THOC5: variants seen among roughly 807,000 people sequenced by gnomAD.
THOC5 encodes the protein THO complex subunit 5.
Under a neutral mutation model 92.9 loss-of-function variants are expected in THOC5, and 43 were observed. The observed-to-expected ratio is 0.46, with a 90% CI of 0.36 to 0.60. The LOEUF is 0.60. Among genes scored for constraint, THOC5 ranks in the 20% least tolerant of loss-of-function variants. The pLI, the probability that THOC5 is intolerant of heterozygous loss-of-function variation, is 0.00. For missense variants in THOC5, 659 were observed against 849.4 expected (o/e 0.78, Z 2.79); for synonymous variants, 296 against 320.1 (o/e 0.92, Z 0.80).
chr22:29,514,310 G>A (rs545695641), intron 17 of THOC5, among the ~76,000 whole-genome samples: 21 of 150,054 alleles, frequency 1.4e-4, no homozygotes, highest in Admixed American at 2.7e-4. Context: ...TAGAATGACT[G>A]AAGAATTTTT....
intron 7 of THOC5, chr22:29,535,211 C>A (rs912454860): frequency 7.3e-6 from 1 of 136,608 alleles, no homozygotes; most frequent in African/African-American, 2.8e-5. Context: ...TGCAGTGAGC[C>A]GAGATGGCGC....
At chr22:29,517,006 C>G in intron 17 of THOC5, 23 bp downstream of exon 17, 1 of 1,613,038 alleles carries the variant, frequency 6.2e-7, no homozygotes, top group South Asian at 1.1e-5. Context: ...GTCTAGAACC[C>G]CTGTAATCAG....
intron 7 of THOC5, chr22:29,536,164 T>C (rs1370383973): frequency 1.9e-5 from 3 of 154,818 alleles, no homozygotes; most frequent in East Asian, 1.9e-4. Flanking sequence ...GGATCACCTA[T>C]ACAGAAAGAC....
rs749467731 is a variant in THOC5 at position 29,539,457 on chromosome 22, C to A, written c.472G>T (p.Asp158Tyr). The A allele has an allele frequency of 8.7e-6, 14 of 1,613,520 alleles. No individual in the cohort carries two copies. The highest frequency in any genetic ancestry group is 2.2e-5 in the East Asian group (1 of 44,882). Residue 158 changes from aspartate (D) to tyrosine (Y), a missense_variant, in exon 6 of 20, where the codon GAT becomes TAT. By Grantham distance (160) the Asp-to-Tyr change is radical. Transcript: ENST00000490103. ...TAAAACTCCTCTAAACTGACCAGATCAATTTCTTCATGCTTTGACCTACAG... is the reference window on the plus strand; with the variant it reads ...TAAAACTCCTCTAAACTGACCAGATAAATTTCTTCATGCTTTGACCTACAG... ...LEFKSKHEEI[D>Y]LVSLEEFYKE...
rs1172507035 is a variant in THOC5 at position 29,507,397 on chromosome 22, T to C, written c.*1060A>G. 4 of 152,250 alleles carry C rather than the reference T, an allele frequency of 2.6e-5. No homozygotes were observed. Among genetic ancestry groups the C allele is most frequent in the African/African-American group, 4.8e-5 (2 of 41,466 alleles). 9.4% of individuals were successfully genotyped at this position (152,250 alleles called of 1,614,324 possible). A position where few individuals can be genotyped will look rare whatever the true frequency, so the allele number is the denominator to read the frequency against. On this transcript the variant is annotated 3_prime_UTR_variant, in exon 20 of 20. Transcript: ENST00000490103. ...ATTTATTTTTGAGACGGAGTCTCAC[T>C]CTCGCCCAAGCCGGAGCGCAGGAGC...
chr22:29,515,663 CAA>C (rs202113737), intron 17 of THOC5, among the ~76,000 whole-genome samples: 8 of 55,158 alleles, frequency 1.5e-4, no homozygotes, highest in Non-Finnish European at 1.6e-4. Flanking sequence ...CTTATCTCTA[CAA>C]AAAAAAAAAA....
At chr22:29,527,171 GCTA>G (rs1219168571) in intron 11 of THOC5, among the ~76,000 whole-genome samples, 5 of 152,158 alleles carry the variant, frequency 3.3e-5, no homozygotes, top group Non-Finnish European at 7.4e-5. Context: ...TCCAGTCCTA[GCTA>G]CTTAGGAGGC....
intron 1 of THOC5, among the ~76,000 whole-genome samples, chr22:29,552,529 T>TG (rs1276866463): frequency 7.0e-6 from 1 of 142,922 alleles, no homozygotes; most frequent in Non-Finnish European, 1.5e-5. Context: ...GTCCGGGAGG[T>TG]GGGGGGCAGC....
chr22:29,530,379 C>A (rs534863605), intron 8 of THOC5, among the ~76,000 whole-genome samples: 6 of 151,142 alleles, frequency 4.0e-5, no homozygotes, highest in Admixed American at 6.6e-5. Context: ...ATTAGCCAGG[C>A]ACGGTGGTGG....
intron 8 of THOC5, chr22:29,531,470 C>A (rs2063653688): frequency 1.9e-6 from 2 of 1,030,878 alleles, no homozygotes; most frequent in Admixed American, 5.5e-5. Flanking sequence ...CCTGTATTCA[C>A]CAGGCACCCC....
intron 1 of THOC5, among the ~76,000 whole-genome samples, chr22:29,551,705 C>T (rs925930049): frequency 9.9e-5 from 15 of 152,050 alleles, no homozygotes; most frequent in Middle Eastern, 3.4e-3. Flanking sequence ...GAGCTATGAT[C>T]GCGCCACTGC....
chr22:29,514,953 C>A (rs2146443680), intron 17 of THOC5, among the ~76,000 whole-genome samples: 1 of 151,794 alleles, frequency 6.6e-6, no homozygotes, highest in African/African-American at 2.4e-5. Context: ...GATCCTCCCA[C>A]CTCAGCCTCC....
intron 7 of THOC5, among the ~76,000 whole-genome samples, chr22:29,533,547 T>A (rs1313627173): frequency 6.6e-6 from 1 of 151,992 alleles, no homozygotes; most frequent in South Asian, 2.1e-4. Context: ...GTACTAACCA[T>A]AAAGGAAAAG....
In THOC5 at chr22:29,526,027, G is replaced by T. The variant is rs1395673092; in HGVS notation, c.1067-81C>A. 77 of 572,552 alleles carry T rather than the reference G, an allele frequency of 1.3e-4. 2 individuals carry two copies. The highest frequency in any genetic ancestry group is 4.2e-4 in the Admixed American group (18 of 42,980). 35.5% of individuals were successfully genotyped at this position (572,552 alleles called of 1,614,324 possible). A position where few individuals can be genotyped will look rare whatever the true frequency, so the allele number is the denominator to read the frequency against. On this transcript the variant is annotated intron_variant, in intron 11 of 19. Transcript: ENST00000490103. ...ACAGAGTCATAGGGGGTAGTAAGGT[G>T]GGGGGGTCAAGTGTTGAAAAACTAA... is the stretch of plus-strand genomic sequence containing the variant.
At chr22:29,535,634 G>T (rs1020024103) in intron 7 of THOC5, among the ~76,000 whole-genome samples, 21 of 152,112 alleles carry the variant, frequency 1.4e-4, no homozygotes, top group African/African-American at 5.1e-4. Context: ...CAGCTCTAAG[G>T]CTGTACCATA....
At chr22:29,515,291 C>T (rs944866197) in intron 17 of THOC5, among the ~76,000 whole-genome samples, 2 of 152,214 alleles carry the variant, frequency 1.3e-5, no homozygotes, top group African/African-American at 4.8e-5. Flanking sequence ...ATCTGCCCAC[C>T]TCAGCCTCCC....
intron 6 of THOC5, among the ~76,000 whole-genome samples, chr22:29,538,165 G>A (rs1569227682): frequency 6.6e-6 from 1 of 151,948 alleles, no homozygotes; most frequent in South Asian, 2.1e-4. Flanking sequence ...TATATTTTTA[G>A]TAGAGACGGG....
intron 17 of THOC5, among the ~76,000 whole-genome samples, chr22:29,513,356 CAA>C (rs375469055): frequency 2.6e-4 from 27 of 102,354 alleles, no homozygotes; most frequent in Non-Finnish European, 3.4e-4. Flanking sequence ...GACTCCGTCT[CAA>C]AAAAAAAAAA....
chr22:29,538,435 T>C (rs1004065794), intron 6 of THOC5, among the ~76,000 whole-genome samples: 1 of 152,126 alleles, frequency 6.6e-6, no homozygotes, highest in Non-Finnish European at 1.5e-5. Context: ...GGCATACACT[T>C]ACAGATAAGG....
Sources: gnomAD v4.1 joint callset for allele counts (sites outside exome capture counted in the v4.1 genomes callset) on GRCh38, gnomAD v4.1.1 for gene constraint, MANE v1.5 for transcripts, NCBI Gene and HGNC (gene_info 2026-07-23, HGNC 2026-07-21) for gene names.